RALGAPA1: variants seen among roughly 807,000 people sequenced by gnomAD.
RALGAPA1 encodes the protein Ral GTPase activating protein catalytic subunit alpha 1.
Under a neutral mutation model 269.6 loss-of-function variants are expected in RALGAPA1, and 52 were observed. That is an observed-to-expected ratio of 0.19 (90% CI 0.15 to 0.24). The LOEUF (loss-of-function observed/expected upper bound fraction) is 0.24. RALGAPA1 is among the 10% of genes least tolerant of loss of function. The probability of loss-of-function intolerance (pLI) is 1.00; values close to 1 mark genes in which losing one functional copy is unlikely to be tolerated. For missense variants in RALGAPA1, 1,917 were observed against 3,013.9 expected (o/e 0.64, Z 8.52); for synonymous variants, 817 against 1,008.3 (o/e 0.81, Z 3.60).
chr14:35,641,789 A>G (rs188031826), intron 31 of RALGAPA1, among the ~76,000 whole-genome samples: 21 of 152,348 alleles, frequency 1.4e-4, no homozygotes, highest in Non-Finnish European at 2.6e-4. Flanking sequence ...CAAAACAGTC[A>G]AAGCTATCCT....
intron 41 of RALGAPA1, among the ~76,000 whole-genome samples, chr14:35,545,554 T>A (rs1480416402): frequency 6.6e-6 from 1 of 152,072 alleles, no homozygotes; most frequent in African/African-American, 2.4e-5. Context: ...TATATGTTTG[T>A]GTATGTATAT....
intron 36 of RALGAPA1, among the ~76,000 whole-genome samples, chr14:35,596,632 T>G (rs981966409): frequency 6.6e-6 from 1 of 152,108 alleles, no homozygotes; most frequent in Non-Finnish European, 1.5e-5. Context: ...TGAATACATA[T>G]ATGATTGTTA....
chr14:35,686,342 G>A (rs12894043), intron 19 of RALGAPA1, among the ~76,000 whole-genome samples, 200 bp downstream of exon 19: 3 of 151,926 alleles, frequency 2.0e-5, no homozygotes, highest in Admixed American at 2.0e-4. Flanking sequence ...TGAAAATTAT[G>A]AGGCTGTTTA....
chr14:35,787,541 C>A (rs2075878151), intron 1 of RALGAPA1, among the ~76,000 whole-genome samples: 1 of 152,096 alleles, frequency 6.6e-6, no homozygotes, highest in South Asian at 2.1e-4. Context: ...GAAATAAATA[C>A]CAACAAGAAA....
intron 37 of RALGAPA1, among the ~76,000 whole-genome samples, chr14:35,573,041 T>A (rs979236220): frequency 3.9e-5 from 6 of 152,166 alleles, no homozygotes; most frequent in Admixed American, 3.9e-4. Context: ...AAAAAAGAAG[T>A]AAGTAACTCA....
chr14:35,589,691 GTATTTATT>G (rs879825033), intron 37 of RALGAPA1, among the ~76,000 whole-genome samples: 5 of 151,522 alleles, frequency 3.3e-5, no homozygotes, highest in Admixed American at 6.6e-5. Context: ...ATTTATGTAT[GTATTTATT>G]TATTTATTTA....
chr14:35,600,928 C>G (rs1566791217), intron 36 of RALGAPA1, among the ~76,000 whole-genome samples: 1 of 151,822 alleles, frequency 6.6e-6, no homozygotes, highest in African/African-American at 2.4e-5. Flanking sequence ...ATTTAAAATT[C>G]CTGTTTTAGC....
intron 37 of RALGAPA1, among the ~76,000 whole-genome samples, chr14:35,573,574 A>G (rs552853229): frequency 3.9e-5 from 6 of 152,160 alleles, no homozygotes; most frequent in Non-Finnish European, 7.4e-5. Flanking sequence ...CATACGGGCA[A>G]TTTCTATCTC....
chr14:35,736,659 C>G (rs1005126320), intron 12 of RALGAPA1, among the ~76,000 whole-genome samples: 2 of 152,100 alleles, frequency 1.3e-5, no homozygotes, highest in African/African-American at 2.4e-5. Context: ...ATAAATCAAG[C>G]AGGATTAGGA....
intron 37 of RALGAPA1, among the ~76,000 whole-genome samples, chr14:35,583,305 G>T (rs2058070350): frequency 6.6e-6 from 1 of 152,028 alleles, no homozygotes; most frequent in Non-Finnish European, 1.5e-5. Flanking sequence ...AAAAACACTG[G>T]AACAGAAATT....
intron 39 of RALGAPA1, among the ~76,000 whole-genome samples, chr14:35,566,883 ATT>A (rs2056758664): frequency 1.4e-5 from 2 of 142,320 alleles, no homozygotes; most frequent in African/African-American, 2.7e-5. Context: ...ATATATATAT[ATT>A]TGTACTATAT....
At chr14:35,591,896 A>C (rs749310734) in intron 37 of RALGAPA1, among the ~76,000 whole-genome samples, 5 of 152,176 alleles carry the variant, frequency 3.3e-5, no homozygotes, top group Non-Finnish European at 5.9e-5. Flanking sequence ...ATGAGTTCTC[A>C]TGAGAGCTGA....
At chr14:35,716,335 T>A (rs1595289329) in intron 16 of RALGAPA1, among the ~76,000 whole-genome samples, 1 of 148,288 alleles carries the variant, frequency 6.7e-6, no homozygotes, top group African/African-American at 2.5e-5. Context: ...GAGGCGGAGG[T>A]TGCAGTGAGC....
At chr14:35,543,375 T>C (rs549373223) in intron 41 of RALGAPA1, among the ~76,000 whole-genome samples, 15 of 152,260 alleles carry the variant, frequency 9.9e-5, no homozygotes, top group African/African-American at 3.1e-4. Context: ...AACGAAGGGA[T>C]AGAAATGAGG....
chr14:35,656,380 T>C (rs988782010), intron 28 of RALGAPA1, among the ~76,000 whole-genome samples: 1 of 152,184 alleles, frequency 6.6e-6, no homozygotes, highest in Non-Finnish European at 1.5e-5. Flanking sequence ...ATTGAGAACA[T>C]AAAATTTATG....
intron 35 of RALGAPA1, among the ~76,000 whole-genome samples, chr14:35,606,982 G>A (rs752030038): frequency 6.6e-6 from 1 of 152,136 alleles, no homozygotes; most frequent in Middle Eastern, 3.2e-3. Context: ...GTATCAGTAG[G>A]ATATGCTAGT....
At chr14:35,694,903 C>T (rs2066777624) in intron 17 of RALGAPA1, among the ~76,000 whole-genome samples, 2 of 151,898 alleles carry the variant, frequency 1.3e-5, no homozygotes, top group Admixed American at 6.6e-5. Flanking sequence ...ATGGTGAAAC[C>T]CCATCTCTAC....
intron 33 of RALGAPA1, among the ~76,000 whole-genome samples, chr14:35,628,993 G>T (rs888388793): frequency 1.3e-5 from 2 of 152,150 alleles, no homozygotes; most frequent in Non-Finnish European, 2.9e-5. Flanking sequence ...GGAGGAAAAG[G>T]GAGGGGAGGG....
chr14:35,598,945 T>C (rs2059102064), intron 36 of RALGAPA1, among the ~76,000 whole-genome samples: 1 of 152,236 alleles, frequency 6.6e-6, no homozygotes, highest in Admixed American at 6.5e-5. Context: ...TTGAACATTT[T>C]CTAGAACTCT....
Sources: gnomAD v4.1 joint callset for allele counts (sites outside exome capture counted in the v4.1 genomes callset) on GRCh38, gnomAD v4.1.1 for gene constraint, MANE v1.5 for transcripts, NCBI Gene and HGNC (gene_info 2026-07-23, HGNC 2026-07-21) for gene names.